Variants in MTCL1 observed in about 807,000 individuals in gnomAD.
MTCL1 encodes microtubule crosslinking factor 1.
Under a neutral mutation model 141.4 loss-of-function variants are expected in MTCL1, and 79 were observed. That is an observed-to-expected ratio of 0.56 (90% CI 0.47 to 0.67). MTCL1 has a LOEUF of 0.67. MTCL1 is among the 30% of genes least tolerant of loss of function. The pLI is 0.00. For missense variants in MTCL1, 2,177 were observed against 2,113.9 expected (o/e 1.03, Z -0.59); for synonymous variants, 914 against 875.8 (o/e 1.04, Z -0.77).
intron 13 of MTCL1, among the ~76,000 whole-genome samples, chr18:8,820,774 C>G (rs1040531400): frequency 6.6e-6 from 1 of 152,200 alleles, no homozygotes; most frequent in Admixed American, 6.5e-5. Flanking sequence ...AAGGGTACCC[C>G]TTGCTATTTA....
exon 7 of MTCL1, chr18:8,785,983 G>A: frequency 6.2e-7 from 1 of 1,606,236 alleles, no homozygotes; most frequent in Non-Finnish European, 8.5e-7. Flanking sequence ...CGGCCCGAGG[G>A]GACGAGCGGG....
intron 4 of MTCL1, among the ~76,000 whole-genome samples, chr18:8,764,788 G>A (rs1052087271): frequency 1.3e-5 from 2 of 152,122 alleles, no homozygotes; most frequent in African/African-American, 4.8e-5. Context: ...AAGGATGTTG[G>A]GTCAACTTTG....
At position 8,709,199 on chromosome 18, in the gene MTCL1, G is replaced by GT. The variant is rs1241537725; in HGVS notation, c.1053+2486_1053+2487insT. Among the ~76,000 whole-genome samples the GT allele has an allele frequency of 2.5e-4, 32 of 130,320 alleles. No homozygotes were observed. In the East Asian group the frequency reaches 6.4e-3, roughly 26 times the overall value. The allele number at this position is 130,320 out of a possible 152,430, so 85.5% of individuals were successfully genotyped here. On this transcript the variant is annotated intron_variant, in intron 1 of 13. Coordinates refer to the MTCL1 transcript ENST00000306329. ...CAGGGGTATTTTTTCCGTTTTTTGTGGTTTTTTTTTGAAGGGATGGTCTTG... is the reference window on the plus strand; with the variant it reads ...CAGGGGTATTTTTTCCGTTTTTTGTGTGTTTTTTTTTGAAGGGATGGTCTTG...
At chr18:8,749,520 T>G (rs546204817) in intron 4 of MTCL1, among the ~76,000 whole-genome samples, 22 of 152,240 alleles carry the variant, frequency 1.4e-4, no homozygotes, top group African/African-American at 4.8e-4. Flanking sequence ...GTTATATCTT[T>G]GGAAGGTAAG....
intron 11 of MTCL1, among the ~76,000 whole-genome samples, chr18:8,808,366 G>A (rs1341667266): frequency 4.6e-5 from 7 of 152,220 alleles, no homozygotes; most frequent in Non-Finnish European, 8.8e-5. Flanking sequence ...GAAGGGAGGT[G>A]TAATCTTCGA....
chr18:8,718,400 ATCT>A, intron 2 of MTCL1, 21 bp from the exon 2 acceptor site: 2 of 1,609,704 alleles, frequency 1.2e-6, no homozygotes, highest in Non-Finnish European at 1.7e-6. Flanking sequence ...TGGCTCATAA[ATCT>A]TCTCTGTCTG....
chr18:8,774,901 T>C (rs915812350), intron 4 of MTCL1, among the ~76,000 whole-genome samples: 2 of 152,090 alleles, frequency 1.3e-5, no homozygotes, highest in Non-Finnish European at 2.9e-5. Context: ...TGTTCTGTGA[T>C]TTGCTAGGAG....
rs372103839 is a variant in MTCL1, at chr18:8,742,284, GCTCTCCCT to G, written c.357+21815_357+21822del. Among the ~76,000 whole-genome samples, 400 of 152,204 alleles carry G rather than the reference GCTCTCCCT, an allele frequency of 2.6e-3. 3 individuals are homozygous for G. Among genetic ancestry groups the G allele is most frequent in the African/African-American group, 8.0e-3 (331 of 41,518 alleles). On this transcript the variant is annotated intron_variant, in intron 4 of 16. Coordinates refer to ENST00000359865, the Ensembl canonical transcript of MTCL1. Reference sequence around the variant, plus strand: ...ACTGCTTTTATCTGTTCCCTCTCCTGCTCTCCCTCTCTCCCTCTCTCCCTCTCTCCCTC... The same window carrying G: ...ACTGCTTTTATCTGTTCCCTCTCCTGCTCTCCCTCTCTCCCTCTCTCCCTC...
intron 4 of MTCL1, among the ~76,000 whole-genome samples, chr18:8,726,914 A>G (rs924205115): frequency 3.3e-5 from 5 of 151,990 alleles, no homozygotes; most frequent in Admixed American, 1.3e-4. Context: ...GACTGTACTC[A>G]GTAGATAATT....
At chr18:8,785,639 G>A in intron 6 of MTCL1, 1 of 388,740 alleles carries the variant, frequency 2.6e-6, no homozygotes, top group Non-Finnish European at 4.7e-6. Flanking sequence ...GCCATCGCAT[G>A]TGCCCCGTAA....
exon 1 of MTCL1, chr18:8,706,398 A>C (rs1421508658): frequency 3.3e-6 from 4 of 1,228,082 alleles, no homozygotes; most frequent in Non-Finnish European, 4.1e-6. Flanking sequence ...GTGAACCCCC[A>C]CGAGGAGCGC....
Position 8,796,313 on chromosome 18 carries a change from C to T in MTCL1, c.2092C>T (p.Arg698Ter), listed in dbSNP as rs779001059. The change falls in exon 9 of 17, where the codon CGA becomes TGA. Residue 698 changes from arginine (R) to a stop codon, truncating the protein, a stop_gained. Transcript: ENST00000359865. LOFTEE classifies it high-confidence loss of function. ...GGCTTTGCAAAACACCCTCCATGAG[C>T]GAACCTGGAGTGATGAGAAGAATCT... 18 of 1,614,044 alleles carry T rather than the reference C, an allele frequency of 1.1e-5. No homozygotes were observed. Among genetic ancestry groups the T allele is most frequent in the Admixed American group, 1.7e-5 (1 of 59,990 alleles).
rs1382270075 is a variant in MTCL1, at chr18:8,744,877, T to C, written c.357+24381T>C. 2.6e-5 allele frequency among the ~76,000 whole-genome samples: 4 copies of C among 152,316 alleles called. No individual in the cohort carries two copies. The East Asian group carries it at 7.7e-4, about 29-fold the overall frequency. On this transcript the variant is annotated intron_variant, in intron 4 of 16. Coordinates refer to ENST00000359865, the Ensembl canonical transcript of MTCL1. Reference sequence around the variant, plus strand: ...ATCCTGCCCTCCACCCCCCGGAAGTTCCCTGGCTCTGACGACTAGAGGCTT... The same window carrying C: ...ATCCTGCCCTCCACCCCCCGGAAGTCCCCTGGCTCTGACGACTAGAGGCTT...
exon 6 of MTCL1, chr18:8,783,874 C>T (rs1295828324): frequency 6.2e-7 from 1 of 1,612,982 alleles, no homozygotes; most frequent in Admixed American, 1.7e-5. Flanking sequence ...CGGGTCGGGA[C>T]CACGCACCCA....
At chr18:8,809,573 G>A (rs1401892938) in intron 11 of MTCL1, 2 of 1,535,936 alleles carry the variant, frequency 1.3e-6, no homozygotes, top group Non-Finnish European at 1.7e-6. Flanking sequence ...TGAGAGGGGT[G>A]ACTCTGAAGT....
chr18:8,785,168 C>T (rs934033726), intron 6 of MTCL1, among the ~76,000 whole-genome samples: 7 of 152,116 alleles, frequency 4.6e-5, no homozygotes, highest in Admixed American at 6.5e-5. Context: ...CGACGCATGC[C>T]GGCCTTGCTC....
rs149223961 is a variant in MTCL1, at chr18:8,799,631, A to G, written c.2436+1340A>G. Among the ~76,000 whole-genome samples, 6 of 152,330 alleles carry G rather than the reference A, an allele frequency of 3.9e-5. No homozygotes were observed. The East Asian group carries it at 1.2e-3, about 29-fold the overall frequency. On this transcript the variant is annotated intron_variant, in intron 10 of 16. Coordinates refer to ENST00000359865, the Ensembl canonical transcript of MTCL1. ...TTTTGAAAAGAAATGTTGTCATTCA[A>G]TCCCATAAAGCATCTGTGCTTACCT...
chr18:8,809,637 C>G, intron 11 of MTCL1: 1 of 1,522,974 alleles, frequency 6.6e-7, no homozygotes, highest in Non-Finnish European at 8.8e-7. Flanking sequence ...AAAAACGGAG[C>G]AAGTAGAGAG....
chr18:8,798,108 A>G, exon 10 of MTCL1: 1 of 1,590,492 alleles, frequency 6.3e-7, no homozygotes, highest in Non-Finnish European at 8.5e-7. Flanking sequence ...GTGAACATCC[A>G]GAGACCCTCT....
Sources: allele counts gnomAD v4.1 joint callset (sites outside exome capture counted in the v4.1 genomes callset), GRCh38; gene constraint gnomAD v4.1.1; transcripts MANE v1.5; gene names NCBI Gene and HGNC (gene_info 2026-07-23, HGNC 2026-07-21).